The following FTO variants were observed in gnomAD, a reference collection of about 807,000 sequenced individuals.
The protein encoded by FTO is alpha-ketoglutarate-dependent dioxygenase FTO.
A neutral mutation model predicts 63.9 loss-of-function variants in FTO; 47 were observed. The ratio of observed to expected loss-of-function variants is 0.74; its 90% confidence interval spans 0.58 to 0.94. The LOEUF (loss-of-function observed/expected upper bound fraction) is 0.94. FTO is among the 40% of genes least tolerant of loss of function. The pLI, the probability that FTO is intolerant of heterozygous loss-of-function variation, is 0.00. For missense variants in FTO, 562 were observed against 618.1 expected (o/e 0.91, Z 0.96); for synonymous variants, 207 against 224.4 (o/e 0.92, Z 0.69).
chr16:53,755,087 T>C (rs1452084512), intron 1 of FTO, among the ~76,000 whole-genome samples: 1 of 152,234 alleles, frequency 6.6e-6, no homozygotes, highest in Non-Finnish European at 1.5e-5. Context: ...GAAGTAATTA[T>C]GTTTAGCTGA....
chr16:53,784,410 G>C (rs569013724), intron 1 of FTO, among the ~76,000 whole-genome samples: 27 of 152,264 alleles, frequency 1.8e-4, no homozygotes, highest in African/African-American at 6.5e-4. Flanking sequence ...ATGGTTATAT[G>C]GTGACTTTCA....
intron 8 of FTO, among the ~76,000 whole-genome samples, chr16:53,959,649 G>A (rs1454836762): frequency 6.6e-6 from 1 of 152,106 alleles, no homozygotes; most frequent in Non-Finnish European, 1.5e-5. Flanking sequence ...CATATGAGGT[G>A]TTAACTGTAC....
chr16:53,763,653 A>G (rs4784323), intron 1 of FTO, among the ~76,000 whole-genome samples: 111,958 of 152,118 alleles, frequency 0.74, 41,943 homozygotes, highest in African/African-American at 0.88. Flanking sequence ...TCTGTCACTT[A>G]TAAAGTCAAG....
chr16:53,785,654 G>A (rs2077714003), intron 1 of FTO, among the ~76,000 whole-genome samples: 1 of 152,184 alleles, frequency 6.6e-6, no homozygotes, highest in South Asian at 2.1e-4. Context: ...GCTCATGCCT[G>A]TAATCCCAGC....
chr16:54,048,506 T>A (rs1420223975), intron 8 of FTO, among the ~76,000 whole-genome samples: 1 of 152,218 alleles, frequency 6.6e-6, no homozygotes, highest in Non-Finnish European at 1.5e-5. Context: ...GTGACTTGCA[T>A]ACAGTTGGCA....
chr16:53,923,687 T>G (rs1204895614), intron 7 of FTO, among the ~76,000 whole-genome samples: 1 of 152,032 alleles, frequency 6.6e-6, no homozygotes, highest in Non-Finnish European at 1.5e-5. Context: ...TTCTATTTTT[T>G]TTTTTCTTTC....
At chr16:53,881,746 A>C (rs1250131776) in intron 6 of FTO, among the ~76,000 whole-genome samples, 4 of 152,200 alleles carry the variant, frequency 2.6e-5, no homozygotes, top group African/African-American at 9.6e-5. Context: ...TTAGTTACTT[A>C]ATATTTTACT....
At chr16:53,916,431 T>TA (rs1287327620) in intron 7 of FTO, among the ~76,000 whole-genome samples, 1 of 152,150 alleles carries the variant, frequency 6.6e-6, no homozygotes, top group Non-Finnish European at 1.5e-5. Flanking sequence ...TAATGAGAAT[T>TA]AAAAAAATAA....
At chr16:53,893,071 T>C (rs2081193274) in intron 7 of FTO, among the ~76,000 whole-genome samples, 1 of 152,180 alleles carries the variant, frequency 6.6e-6, no homozygotes, top group Non-Finnish European at 1.5e-5. Context: ...CCATCCATGC[T>C]CTTGTGATGT....
At chr16:53,836,582 G>A (rs2079299712) in intron 3 of FTO, among the ~76,000 whole-genome samples, 1 of 152,082 alleles carries the variant, frequency 6.6e-6, no homozygotes, top group African/African-American at 2.4e-5. Flanking sequence ...TTTGATTTCT[G>A]CAACTGCAGT....
intron 8 of FTO, among the ~76,000 whole-genome samples, chr16:53,990,654 C>A (rs888816753): frequency 2.4e-5 from 2 of 82,806 alleles, no homozygotes; most frequent in East Asian, 4.9e-4. Context: ...TTTTCCTTTT[C>A]TTTTTATTTT....
At chr16:53,827,794 ATCC>A (rs1462971861) in intron 3 of FTO, among the ~76,000 whole-genome samples, 1 of 152,206 alleles carries the variant, frequency 6.6e-6, no homozygotes, top group Non-Finnish European at 1.5e-5. Flanking sequence ...AAGAACGGAG[ATCC>A]TCTGATCTTT....
At chr16:53,999,480 T>A (rs1192477437) in intron 8 of FTO, among the ~76,000 whole-genome samples, 2 of 152,176 alleles carry the variant, frequency 1.3e-5, no homozygotes, top group Non-Finnish European at 2.9e-5. Flanking sequence ...AGACAAGCTG[T>A]CATAGGGCTG....
chr16:53,978,303 C>T (rs1463729397), intron 8 of FTO, among the ~76,000 whole-genome samples: 1 of 152,158 alleles, frequency 6.6e-6, no homozygotes, highest in Non-Finnish European at 1.5e-5. Context: ...ATGGAAACAG[C>T]AGTCTTTGGA....
At chr16:53,856,460 C>T (rs1041596169) in intron 4 of FTO, among the ~76,000 whole-genome samples, 1 of 151,890 alleles carries the variant, frequency 6.6e-6, no homozygotes, top group Admixed American at 6.6e-5. Context: ...AAATCTTCCC[C>T]TAAATATAAT....
chr16:54,006,404 C>G (rs529152020), intron 8 of FTO, among the ~76,000 whole-genome samples: 1 of 152,264 alleles, frequency 6.6e-6, no homozygotes, highest in Non-Finnish European at 1.5e-5. Context: ...TTCAAGCAGT[C>G]TTTAATCATA....
At chr16:54,061,729 AGT>A (rs2085582001) in intron 8 of FTO, 1 of 152,244 alleles carries the variant, frequency 6.6e-6, no homozygotes. Context: ...TGGTGAGTAC[AGT>A]GTCTTGTTGA....
intron 3 of FTO, among the ~76,000 whole-genome samples, chr16:53,840,150 T>A (rs925980958): frequency 1.3e-5 from 2 of 152,154 alleles, no homozygotes; most frequent in African/African-American, 4.8e-5. Context: ...GTAGAAGTTA[T>A]AGTTGATTTG....
At chr16:53,798,870 A>G (rs1657161831) in intron 1 of FTO, among the ~76,000 whole-genome samples, 2 of 152,166 alleles carry the variant, frequency 1.3e-5, no homozygotes, top group South Asian at 2.1e-4. Flanking sequence ...CTCTTTTACC[A>G]CTAGGTAGGG....
Sources: gnomAD v4.1 joint callset for allele counts (sites outside exome capture counted in the v4.1 genomes callset) on GRCh38, gnomAD v4.1.1 for gene constraint, MANE v1.5 for transcripts, NCBI Gene and HGNC (gene_info 2026-07-23, HGNC 2026-07-21) for gene names.